The following NEK5 variants were observed in gnomAD, a reference collection of about 807,000 sequenced individuals.
NEK5 encodes serine/threonine-protein kinase Nek5.
Under a neutral mutation model 109.2 loss-of-function variants are expected in NEK5, and 88 were observed. That is an observed-to-expected ratio of 0.81 (90% CI 0.68 to 0.96). The LOEUF is 0.96. Ranked by LOEUF, NEK5 falls within the 40% of genes least tolerant of loss-of-function variation. NEK5 has a pLI of 0.00. For missense variants in NEK5, 834 were observed against 920.7 expected (o/e 0.91, Z 1.22); for synonymous variants, 283 against 299.9 (o/e 0.94, Z 0.58).
rs183054062 is a variant in NEK5 at position 52,081,889 on chromosome 13, A to T, written c.1572+1371T>A. ...CTGAGCCGTGTTTTTATGGAATGTG[A>T]CTGTGATCCTACTGGCACCTTTAAA... On this transcript the variant is annotated intron_variant, in intron 17 of 23. Transcript: ENST00000684899. 2.7e-4 allele frequency among the ~76,000 whole-genome samples: 41 copies of T among 152,330 alleles called. No homozygotes were observed. The East Asian group carries it at 3.1e-3, about 11-fold the overall frequency.
chr13:52,123,892 G>T (rs1956017187), intron 3 of NEK5, among the ~76,000 whole-genome samples: 1 of 149,828 alleles, frequency 6.7e-6, no homozygotes, highest in African/African-American at 2.4e-5. Flanking sequence ...CTTGGAAGAA[G>T]TAGCCCCAGA....
intron 9 of NEK5, among the ~76,000 whole-genome samples, chr13:52,103,787 T>C (rs1452821351): frequency 6.6e-6 from 1 of 152,182 alleles, no homozygotes; most frequent in Non-Finnish European, 1.5e-5. Flanking sequence ...GTATATCCGA[T>C]GAGCTTTCTT....
intron 23 of NEK5, among the ~76,000 whole-genome samples, chr13:52,041,534 C>T (rs1404997069): frequency 6.6e-6 from 1 of 151,706 alleles, no homozygotes; most frequent in African/African-American, 2.4e-5. Context: ...TCGAGACCAG[C>T]CTGGCCAACA....
chr13:52,058,124 G>A (rs1488181317), intron 22 of NEK5, among the ~76,000 whole-genome samples: 1 of 147,202 alleles, frequency 6.8e-6, no homozygotes, highest in South Asian at 2.2e-4. Context: ...CAAAATCAAT[G>A]TACAAAAATC....
chr13:52,064,234 C>T (rs1478480534), intron 21 of NEK5, among the ~76,000 whole-genome samples: 1 of 138,892 alleles, frequency 7.2e-6, no homozygotes, highest in Non-Finnish European at 1.6e-5. Flanking sequence ...GTGGGGGGGT[C>T]AGCCCCCCGC....
chr13:52,059,925 G>A (rs1156553606), intron 22 of NEK5, among the ~76,000 whole-genome samples: 1 of 151,694 alleles, frequency 6.6e-6, no homozygotes, highest in East Asian at 1.9e-4. Context: ...TGCACATTGT[G>A]CACATGTACC....
At chr13:52,121,536 G>A (rs1566830866) in intron 3 of NEK5, among the ~76,000 whole-genome samples, 1 of 152,142 alleles carries the variant, frequency 6.6e-6, no homozygotes, top group Non-Finnish European at 1.5e-5. Context: ...AAAAGACTTT[G>A]TTACAGTGTT....
At chr13:52,081,571 A>G (rs1593950945) in intron 17 of NEK5, among the ~76,000 whole-genome samples, 1 of 152,224 alleles carries the variant, frequency 6.6e-6, no homozygotes. Flanking sequence ...TATTTGTAGT[A>G]AAAGTTCTGT....
chr13:52,089,552 ATATTCT>A lies in NEK5; in HGVS notation c.1209-245_1209-240del, dbSNP rs1955232376. On this transcript the variant is annotated intron_variant, in intron 13 of 23. Transcript: ENST00000684899. ...ATACAGGAGAGGATTAAACAGAAAA[ATATTCT>A]TATCCAGTGATTTTTCTTCAGGACA... Among the ~76,000 whole-genome samples the A allele has an allele frequency of 2.0e-5, 3 of 152,184 alleles. No homozygotes were observed. The South Asian group carries it at 6.2e-4, about 32-fold the overall frequency.
chr13:52,089,297 G>T lies in NEK5; in HGVS notation c.1225C>A (p.Gln409Lys), dbSNP rs752733605. ...TATTGTTGAGCTTCAAATTTTCTCT[G>T]AAGGTACTCAGCAGGCCTTAGAAAA... is the stretch of plus-strand genomic sequence containing the variant. ...SPSQWPAEYL[Q>K]RKFEAQQYKL... Residue 409 changes from glutamine to lysine, a missense_variant, in exon 14 of 24, where the codon CAG becomes AAG. Physicochemically the swap from Gln to Lys is moderately conservative, Grantham distance 53. Transcript: ENST00000684899. 1.2e-6 allele frequency: 2 copies of T among 1,607,762 alleles called. No individual in the cohort carries two copies. Among genetic ancestry groups the T allele is most frequent in the South Asian group, 2.2e-5 (2 of 90,768 alleles).
chr13:52,060,749 A>G (rs948731920), intron 22 of NEK5, among the ~76,000 whole-genome samples: 8 of 152,046 alleles, frequency 5.3e-5, no homozygotes, highest in Admixed American at 2.0e-4. Flanking sequence ...CAGACCTCAC[A>G]CTCATGCAGA....
chr13:52,066,279 A>G (rs1954689552), intron 20 of NEK5, among the ~76,000 whole-genome samples: 1 of 152,196 alleles, frequency 6.6e-6, no homozygotes. Context: ...TTAGGTTGCT[A>G]GTGATTTTTC....
At chr13:52,046,861 GT>G (rs1479585569) in intron 23 of NEK5, among the ~76,000 whole-genome samples, 2 of 152,126 alleles carry the variant, frequency 1.3e-5, no homozygotes, top group African/African-American at 2.4e-5. Flanking sequence ...TTTGAATCAT[GT>G]TACAGATAAA....
chr13:52,083,278 C>T lies in NEK5; in HGVS notation c.1554G>A (p.Glu518=), dbSNP rs748422404. 1 of 1,611,346 alleles carries T rather than the reference C, an allele frequency of 6.2e-7. No individual in the cohort carries two copies. Among genetic ancestry groups the T allele is most frequent in the Non-Finnish European group, 8.5e-7 (1 of 1,177,458 alleles). ...SNLPVHQDAS[E]GEAPVQDIEK... is the part of the protein sequence containing the mutation. ...TCATTACCTGCACAGGTGCTTCTCC[C>T]TCAGATGCATCTTGATGGACAGGCA... Residue 518 remains glutamate, a synonymous_variant, in exon 17 of 24, where the codon GAG becomes GAA. Transcript: ENST00000684899.
intron 4 of NEK5, among the ~76,000 whole-genome samples, chr13:52,115,338 C>T (rs1275161601): frequency 6.6e-6 from 1 of 151,382 alleles, no homozygotes; most frequent in Admixed American, 6.6e-5. Flanking sequence ...GGTGCAGTGG[C>T]TCATGCCTGT....
intron 22 of NEK5, among the ~76,000 whole-genome samples, chr13:52,053,283 G>A (rs535586121): frequency 4.6e-5 from 7 of 152,222 alleles, no homozygotes; most frequent in South Asian, 4.1e-4. Flanking sequence ...GTGAGACTCC[G>A]TCTCAAAAAT....
rs1472997931 is a variant in NEK5 at position 52,099,742 on chromosome 13, C to T, written c.1026+1G>A. The T allele has an allele frequency of 3.6e-5, 58 of 1,612,286 alleles. No homozygotes were observed. The highest frequency in any genetic ancestry group is 4.7e-5 in the Non-Finnish European group (55 of 1,179,394). On this transcript the variant is annotated splice_donor_variant, in intron 12 of 23. Coordinates refer to ENST00000684899, the MANE Select transcript of NEK5 (RefSeq NM_001365552.1). LOFTEE classifies it high-confidence loss of function. ...ACAAAGGAGGGTTTAGAATGACTTA[C>T]AGATCTGGCCTTCTGGGCTCCAGCT...
chr13:52,056,129 A>C (rs1213612617), intron 22 of NEK5, among the ~76,000 whole-genome samples: 7 of 152,214 alleles, frequency 4.6e-5, no homozygotes, highest in African/African-American at 1.7e-4. Context: ...GAAAACAAAA[A>C]AAGGCAGGGT....
chr13:52,070,470 G>A (rs1041812382), intron 20 of NEK5, among the ~76,000 whole-genome samples: 5 of 152,250 alleles, frequency 3.3e-5, no homozygotes, highest in South Asian at 2.1e-4. Flanking sequence ...TCATGGGGGC[G>A]GATCTTTCCC....
Sources: allele counts gnomAD v4.1 joint callset (sites outside exome capture counted in the v4.1 genomes callset), GRCh38; gene constraint gnomAD v4.1.1; transcripts MANE v1.5; gene names NCBI Gene and HGNC (gene_info 2026-07-23, HGNC 2026-07-21).